The following KRTAP16-1 variants were observed in gnomAD, a reference collection of about 807,000 sequenced individuals.
KRTAP16-1 encodes keratin-associated protein 16-1.
For missense variants in KRTAP16-1, 675 were observed against 657.7 expected, an observed-to-expected ratio of 1.03 and a Z score of -0.29; for synonymous variants, 262 against 248.0, an observed-to-expected ratio of 1.06 and a Z score of -0.53.
At position 41,309,266 on chromosome 17, in the gene KRTAP16-1, C is replaced by T. The variant is rs1221487836; in HGVS notation, c.-13G>A. ...AACTGCCAGACATGGTGGAGGTGGC[C>T]GTGCTTCCTTGTGCTGAGTGCTGAG... On this transcript the variant is annotated 5_prime_UTR_variant, in exon 1 of 1. Coordinates refer to ENST00000391352, the MANE Select transcript of KRTAP16-1 (RefSeq NM_001146182.2). 1.4e-5 allele frequency: 21 copies of T among 1,506,270 alleles called. No homozygotes were observed. Among genetic ancestry groups the T allele is most frequent in the South Asian group, 1.2e-4 (9 of 76,524 alleles). The allele number at this position is 1,506,270 out of a possible 1,614,324, so 93.3% of individuals were successfully genotyped here.
rs1344763565 is a variant in KRTAP16-1, at chr17:41,308,533, T to C, written c.721A>G (p.Thr241Ala). Residue 241 changes from threonine to alanine, a missense_variant, in exon 1 of 1, where the codon ACC becomes GCC. Physicochemically the swap from Thr to Ala is moderately conservative, Grantham distance 58. Coordinates refer to ENST00000391352, the MANE Select transcript of KRTAP16-1 (RefSeq NM_001146182.2). ...CAGCAGACAGCCTGGCAGCTACTGG[T>C]CACAGAGCAGGTAGGTGTCGGGCAC... ...PVCPTPTCSV[T>A]SSCQAVCCDP... 1.3e-6 allele frequency: 2 copies of C among 1,550,580 alleles called. No homozygotes were observed. Among genetic ancestry groups the C allele is most frequent in the Admixed American group, 2.0e-5 (1 of 50,992 alleles).
rs1216877020 is a variant in KRTAP16-1, at chr17:41,308,319, A to T, written c.935T>A (p.Ile312Asn). The T allele has an allele frequency of 3.2e-6, 5 of 1,550,570 alleles. No individual in the cohort carries two copies. The highest frequency in any genetic ancestry group is 4.4e-6 in the Non-Finnish European group (5 of 1,147,010). Reference protein sequence around the residue: ...SCCVSSICQPICSEPSPCSPA... With the variant: ...SCCVSSICQPNCSEPSPCSPA... ...TGAGCAGGGGCTGGGCTCAGAGCAG[A>T]TGGGTTGGCAGATACTGGAGACACA... The change falls in exon 1 of 1, where the codon ATC (isoleucine) becomes AAC (asparagine). Residue 312 changes from isoleucine to asparagine, a missense_variant. Coordinates refer to ENST00000391352, the MANE Select transcript of KRTAP16-1 (RefSeq NM_001146182.2).
At position 41,308,594 on chromosome 17, in the gene KRTAP16-1, T is replaced by C. The variant is rs912676887; in HGVS notation, c.660A>G (p.Gln220=). The part of the protein sequence containing the change: ...SAVCTLPSSC[Q]PVVCEPSCCQ... ...AGCAGGAAGGCTCACAGACCACAGG[T>C]TGGCAGGAACTAGGCAGGGTGCAGA... is the stretch of plus-strand genomic sequence containing the variant. Residue 220 remains glutamine (Q), a synonymous_variant, in exon 1 of 1, where the codon CAA becomes CAG. Transcript: ENST00000391352. 4.5e-6 allele frequency: 7 copies of C among 1,550,580 alleles called. 1 individual carries two copies. The highest frequency in any genetic ancestry group is 2.7e-5 in the African/African-American group (2 of 72,948).
rs2074284 is a variant in KRTAP16-1, at chr17:41,308,484, C to G, written c.770G>C (p.Ser257Thr). The stretch of plus-strand genomic sequence containing the variant: ...CTGGCAGATGCTAGACTCTGAGCAA[C>G]TTGGCTCACAAGGGCTGGGGTCACA... ...VCCDPSPCEP[S>T]CSESSICQPA... The change falls in exon 1 of 1, where the codon AGT (serine) becomes ACT (threonine). Residue 257 changes from serine to threonine, a missense_variant. By Grantham distance (58) the Ser-to-Thr change is moderately conservative. Transcript: ENST00000391352. 413,330 of 1,550,454 alleles carry G rather than the reference C, an allele frequency of 0.27. 57,888 individuals are homozygous for G. Among genetic ancestry groups the G allele is most frequent in the African/African-American group, 0.47 (34,373 of 73,040 alleles).
Position 41,308,439 on chromosome 17 carries a change from A to G in KRTAP16-1, c.815T>C (p.Leu272Pro). ...SICQPATCVA[L>P]VCEPVCLRPV... Reference sequence around the variant, plus strand: ...GCGGAGGCAAACTGGCTCACAGACCAGAGCCACACACGTAGCTGGCTGGCA... The same window carrying G: ...GCGGAGGCAAACTGGCTCACAGACCGGAGCCACACACGTAGCTGGCTGGCA... Residue 272 changes from leucine (L) to proline (P), a missense_variant, in exon 1 of 1, where the codon CTG becomes CCG. Coordinates refer to ENST00000391352, the MANE Select transcript of KRTAP16-1 (RefSeq NM_001146182.2). The G allele has an allele frequency of 6.4e-7, 1 of 1,550,670 alleles. No homozygotes were observed. The highest frequency in any genetic ancestry group is 8.7e-7 in the Non-Finnish European group (1 of 1,146,974).
rs1051341028 is a variant in KRTAP16-1, at chr17:41,307,873, G to C, written c.1381C>G (p.Arg461Gly). ...PSCTESDSCK[R>G]DCKKSTSSQL... The stretch of plus-strand genomic sequence containing the variant: ...CTGGAAGTGGATTTTTTGCAATCCC[G>C]TTTGCAAGAGTCAGACTCAGTGCAA... The change falls in exon 1 of 1, where the codon CGG (arginine) becomes GGG (glycine). Residue 461 changes from arginine to glycine, a missense_variant. Physicochemically the swap from Arg to Gly is moderately radical, Grantham distance 125. Transcript: ENST00000391352. The C allele has an allele frequency of 1.3e-6, 2 of 1,550,696 alleles. No homozygotes were observed. The highest frequency in any genetic ancestry group is 1.7e-6 in the Non-Finnish European group (2 of 1,147,018).
Position 41,308,048 on chromosome 17 carries a change from G to A in KRTAP16-1, c.1206C>T (p.Arg402=). 1.3e-6 allele frequency: 2 copies of A among 1,550,702 alleles called. No individual in the cohort carries two copies. The highest frequency in any genetic ancestry group is 4.9e-5 in the East Asian group (2 of 40,928). ...SYRPVSRPIC[R]PICSGLLTYR... ...AGGTGAGGAGTCCAGAGCAGATTGG[G>A]CGGCAGATCGGACGGGAGACCGGGC... The change falls in exon 1 of 1, where the codon CGC becomes CGT. Residue 402 remains arginine (R), a synonymous_variant. Transcript: ENST00000391352.
At position 41,308,790 on chromosome 17, in the gene KRTAP16-1, T is replaced by C. The variant is rs780983982; in HGVS notation, c.464A>G (p.Glu155Gly). ...GCAAGAAGGCTCACAAATAGCAGGC[T>C]CACAGCACACAGGTTGAGCACAGCT... ...VSSCAQPVCC[E>G]PAICEPSCSV... The change falls in exon 1 of 1, where the codon GAG (glutamate) becomes GGG (glycine). Residue 155 changes from glutamate to glycine, a missense_variant. Coordinates refer to ENST00000391352, the MANE Select transcript of KRTAP16-1 (RefSeq NM_001146182.2). 3.7e-5 allele frequency: 58 copies of C among 1,550,434 alleles called. No individual in the cohort carries two copies. Among genetic ancestry groups the C allele is most frequent in the Non-Finnish European group, 4.8e-5 (55 of 1,146,990 alleles).
rs1490849625 is a variant in KRTAP16-1 at position 41,308,555 on chromosome 17, G to T, written c.699C>A (p.Cys233Ter). The part of the protein sequence containing the change: ...VCEPSCCQPV[C>*]PTPTCSVTSS... ...TGGTCACAGAGCAGGTAGGTGTCGG[G>T]CACACCGGCTGACAGCAGGAAGGCT... The change falls in exon 1 of 1, where the codon TGC becomes TGA. Residue 233 changes from cysteine to a stop codon, truncating the protein, a stop_gained. Coordinates refer to ENST00000391352, the MANE Select transcript of KRTAP16-1 (RefSeq NM_001146182.2). LOFTEE classifies it low-confidence loss of function (END_TRUNC). 1 of 1,550,708 alleles carries T rather than the reference G, an allele frequency of 6.4e-7. No individual in the cohort carries two copies. The highest frequency in any genetic ancestry group is 2.0e-5 in the Admixed American group (1 of 51,002).
rs760992556 is a variant in KRTAP16-1 at position 41,308,907 on chromosome 17, G to A, written c.347C>T (p.Ala116Val). The change falls in exon 1 of 1, where the codon GCC becomes GTC. Residue 116 changes from alanine to valine, a missense_variant. Physicochemically the swap from Ala to Val is moderately conservative, Grantham distance 64. Coordinates refer to ENST00000391352, the MANE Select transcript of KRTAP16-1 (RefSeq NM_001146182.2). ...TGAGCAAGAAGGCTCACAGATGGTG[G>A]CCTCGAAGCACACAGGTTGGTAGCA... The part of the protein sequence containing the change: ...SNCYQPVCFE[A>V]TICEPSCSVS... 1 of 1,550,496 alleles carries A rather than the reference G, an allele frequency of 6.4e-7. No homozygotes were observed. Among genetic ancestry groups the A allele is most frequent in the South Asian group, 1.2e-5 (1 of 84,062 alleles).
chr17:41,308,418 A>C lies in KRTAP16-1; in HGVS notation c.836T>G (p.Leu279Arg). 6.4e-7 allele frequency: 1 copy of C among 1,550,638 alleles called. No homozygotes were observed. Among genetic ancestry groups the C allele is most frequent in the Admixed American group, 2.0e-5 (1 of 51,000 alleles). The change falls in exon 1 of 1, where the codon CTC (leucine) becomes CGC (arginine). Residue 279 changes from leucine to arginine, a missense_variant. Physicochemically the swap from Leu to Arg is moderately radical, Grantham distance 102 (BLOSUM62 -2). Transcript: ENST00000391352. ...GCTCTGAACACAGCAGACAGGGCGG[A>C]GGCAAACTGGCTCACAGACCAGAGC... ...CVALVCEPVCLRPVCCVQSSC... is the reference protein window; with the variant it reads ...CVALVCEPVCRRPVCCVQSSC...
chr17:41,309,294 G>T lies in KRTAP16-1; in HGVS notation c.-41C>A. 1 of 1,411,338 alleles carries T rather than the reference G, an allele frequency of 7.1e-7. No individual in the cohort carries two copies. The highest frequency in any genetic ancestry group is 9.5e-7 in the Non-Finnish European group (1 of 1,049,976). 87.4% of individuals were successfully genotyped at this position (1,411,338 alleles called of 1,614,324 possible). ...GCTTCCTTGTGCTGAGTGCTGAGAG[G>T]TTGCTGCCTCACTGTGACAGCTCCC... is the stretch of plus-strand genomic sequence containing the variant. On this transcript the variant is annotated 5_prime_UTR_variant, in exon 1 of 1. Coordinates refer to ENST00000391352, the MANE Select transcript of KRTAP16-1 (RefSeq NM_001146182.2).
chr17:41,308,966 G>C lies in KRTAP16-1; in HGVS notation c.288C>G (p.Ala96=). The change falls in exon 1 of 1, where the codon GCC becomes GCG. Residue 96 remains alanine (A), a synonymous_variant. Coordinates refer to ENST00000391352, the MANE Select transcript of KRTAP16-1 (RefSeq NM_001146182.2). ...SSGCQPVCCE[A]TTCEPSCSVS... ...CAGAGCAAGAAGGCTCACAGGTGGT[G>C]GCCTCACAGCACACGGGTTGGCAGC... 1 of 1,550,472 alleles carries C rather than the reference G, an allele frequency of 6.4e-7. No homozygotes were observed. Among genetic ancestry groups the C allele is most frequent in the Non-Finnish European group, 8.7e-7 (1 of 1,146,956 alleles).
rs748284510 is a variant in KRTAP16-1 at position 41,308,058 on chromosome 17, G to A, written c.1196C>T (p.Pro399Leu). 114 of 1,550,672 alleles carry A rather than the reference G, an allele frequency of 7.4e-5. No homozygotes were observed. The highest frequency in any genetic ancestry group is 9.5e-5 in the Non-Finnish European group (109 of 1,147,012). The part of the protein sequence containing the change: ...ATISYRPVSR[P>L]ICRPICSGLL... Reference sequence around the variant, plus strand: ...TCCAGAGCAGATTGGGCGGCAGATCGGACGGGAGACCGGGCGGTAGGAAAT... The same window carrying A: ...TCCAGAGCAGATTGGGCGGCAGATCAGACGGGAGACCGGGCGGTAGGAAAT... Residue 399 changes from proline to leucine, a missense_variant, in exon 1 of 1, where the codon CCG becomes CTG. Coordinates refer to ENST00000391352, the MANE Select transcript of KRTAP16-1 (RefSeq NM_001146182.2).
At position 41,309,006 on chromosome 17, in the gene KRTAP16-1, C is replaced by G; in HGVS notation, c.248G>C (p.Cys83Ser). The G allele has an allele frequency of 6.4e-7, 1 of 1,550,674 alleles. No individual in the cohort carries two copies. Among genetic ancestry groups the G allele is most frequent in the Non-Finnish European group, 8.7e-7 (1 of 1,147,006 alleles). ...GGGTTGGCAGCCGCTGCTCACGGAG[C>G]AAGAAGGCTCACAAATGACAGGATC... Reference protein sequence around the residue: ...CCDPVICEPSCSVSSGCQPVC... With the variant: ...CCDPVICEPSSSVSSGCQPVC... The change falls in exon 1 of 1, where the codon TGC becomes TCC. Residue 83 changes from cysteine (C) to serine (S), a missense_variant. Cys to Ser is a moderately radical substitution (Grantham distance 112). Coordinates refer to ENST00000391352, the MANE Select transcript of KRTAP16-1 (RefSeq NM_001146182.2).
At position 41,308,181 on chromosome 17, in the gene KRTAP16-1, G is replaced by A; in HGVS notation, c.1073C>T (p.Ser358Phe). Residue 358 changes from serine to phenylalanine, a missense_variant, in exon 1 of 1, where the codon TCC becomes TTC. Ser to Phe is a radical substitution (Grantham distance 155, BLOSUM62 -2). Transcript: ENST00000391352. ...AGATGCAGAAGACCCTGGACTGCAG[G>A]AAAGAGGTCGGCAGGAGGTAGATGG... is the stretch of plus-strand genomic sequence containing the variant. Reference protein sequence around the residue: ...SCPSTSCRPLSCSPGSSASAI... With the variant: ...SCPSTSCRPLFCSPGSSASAI... 1 of 1,550,696 alleles carries A rather than the reference G, an allele frequency of 6.4e-7. No individual in the cohort carries two copies. Among genetic ancestry groups the A allele is most frequent in the Non-Finnish European group, 8.7e-7 (1 of 1,146,998 alleles).
chr17:41,308,219 C>T lies in KRTAP16-1; in HGVS notation c.1035G>A (p.Glu345=), dbSNP rs971276059. 2 of 1,550,470 alleles carry T rather than the reference C, an allele frequency of 1.3e-6. No individual in the cohort carries two copies. Among genetic ancestry groups the T allele is most frequent in the Non-Finnish European group, 1.7e-6 (2 of 1,146,954 alleles). The part of the protein sequence containing the change: ...VVKRCPSVCP[E]PVSCPSTSCR... ...AGGAGGTAGATGGGCAGGAAACTGG[C>T]TCAGGGCAGACAGAAGGACAGCGCT... is the stretch of plus-strand genomic sequence containing the variant. Residue 345 remains glutamate (E), a synonymous_variant, in exon 1 of 1, where the codon GAG becomes GAA. Coordinates refer to ENST00000391352, the MANE Select transcript of KRTAP16-1 (RefSeq NM_001146182.2).
Position 41,308,336 on chromosome 17 carries a change from G to A in KRTAP16-1, c.918C>T (p.Ser306=). 3 of 1,550,704 alleles carry A rather than the reference G, an allele frequency of 1.9e-6. No homozygotes were observed. Among genetic ancestry groups the A allele is most frequent in the African/African-American group, 2.7e-5 (2 of 73,162 alleles). The change falls in exon 1 of 1, where the codon TCC becomes TCT. Residue 306 remains serine (S), a synonymous_variant. Transcript: ENST00000391352. Reference sequence around the variant, plus strand: ...CAGAGCAGATGGGTTGGCAGATACTGGAGACACAACAAGAAGGCTCTTGGC... The same window carrying A: ...CAGAGCAGATGGGTTGGCAGATACTAGAGACACAACAAGAAGGCTCTTGGC... ...STCQEPSCCV[S]SICQPICSEP... is the part of the protein sequence containing the mutation.
Position 41,308,417 on chromosome 17 carries a change from G to A in KRTAP16-1, c.837C>T (p.Leu279=), listed in dbSNP as rs757522100. The A allele has an allele frequency of 3.9e-6, 6 of 1,550,528 alleles. No individual in the cohort carries two copies. The East Asian group carries it at 7.3e-5, about 19-fold the overall frequency. ...CVALVCEPVC[L]RPVCCVQSSC... ...AGCTCTGAACACAGCAGACAGGGCG[G>A]AGGCAAACTGGCTCACAGACCAGAG... The change falls in exon 1 of 1, where the codon CTC becomes CTT. Residue 279 remains leucine (L), a synonymous_variant. Transcript: ENST00000391352.
Sources: gnomAD v4.1 joint callset for allele counts on GRCh38, gnomAD v4.1.1 for gene constraint, MANE v1.5 for transcripts, NCBI Gene and HGNC (gene_info 2026-07-23, HGNC 2026-07-21) for gene names.